Variants in ZNF236 observed in about 807,000 individuals in gnomAD.
ZNF236 encodes the protein regulated by glucose.
Under a neutral mutation model 191.2 loss-of-function variants are expected in ZNF236, and 50 were observed. That is an observed-to-expected ratio of 0.26 (90% CI 0.21 to 0.33). The LOEUF (loss-of-function observed/expected upper bound fraction) is 0.33. ZNF236 is among the 10% of genes least tolerant of loss of function. ZNF236 has a pLI of 1.00. For synonymous variants in ZNF236, 907 were observed against 928.8 expected (o/e 0.98, Z 0.43); for missense variants, 1,754 against 2,374.5 (o/e 0.74, Z 5.43).
At chr18:76,896,730 A>T (rs1460777367) in intron 10 of ZNF236, among the ~76,000 whole-genome samples, 1 of 150,924 alleles carries the variant, frequency 6.6e-6, no homozygotes, top group Non-Finnish European at 1.5e-5. Context: ...CACAGGGACC[A>T]CACACAGTAC....
At chr18:76,824,881 G>GC (rs1239253227) in intron 1 of ZNF236, among the ~76,000 whole-genome samples, 3 of 152,196 alleles carry the variant, frequency 2.0e-5, no homozygotes, top group African/African-American at 7.2e-5. Flanking sequence ...AGCTGCAGGA[G>GC]CCCCCTTCCT....
chr18:76,873,756 C>T (rs1242750111), intron 5 of ZNF236, among the ~76,000 whole-genome samples: 2 of 152,102 alleles, frequency 1.3e-5, no homozygotes, highest in African/African-American at 4.8e-5. Flanking sequence ...CAGGCAGTGT[C>T]GTGACTGGGC....
intron 26 of ZNF236, among the ~76,000 whole-genome samples, chr18:76,944,411 G>A (rs1302436471): frequency 6.6e-6 from 1 of 152,178 alleles, no homozygotes; most frequent in Non-Finnish European, 1.5e-5. Flanking sequence ...TAGCTGATTT[G>A]TGTATCACTT....
At chr18:76,907,957 T>C (rs766010910) in intron 13 of ZNF236, among the ~76,000 whole-genome samples, 12 of 152,216 alleles carry the variant, frequency 7.9e-5, no homozygotes, top group Non-Finnish European at 8.8e-5. Context: ...TCTCATTTAG[T>C]ACAATTATTT....
intron 3 of ZNF236, among the ~76,000 whole-genome samples, chr18:76,866,815 A>G (rs547479063): frequency 9.2e-5 from 14 of 152,204 alleles, no homozygotes; most frequent in Admixed American, 4.6e-4. Flanking sequence ...AAGTGTTGCC[A>G]GGGCGCGCAG....
chr18:76,851,780 T>C lies in ZNF236; in HGVS notation c.204T>C (p.His68=). ...MRDHERNDKP[H]RCDQCPQTFN... is the part of the protein sequence containing the mutation. Reference sequence around the variant, plus strand: ...TCACTTTTCTCTCCAAATAGCCACATCGATGTGACCAGTGCCCCCAAACAT... The same window carrying C: ...TCACTTTTCTCTCCAAATAGCCACACCGATGTGACCAGTGCCCCCAAACAT... Residue 68 remains histidine (H), a synonymous_variant, in exon 3 of 31, where the codon CAT becomes CAC. Coordinates refer to ENST00000320610, the MANE Select transcript of ZNF236 (RefSeq NM_001306089.2). The C allele has an allele frequency of 1.9e-6, 3 of 1,610,428 alleles. No individual in the cohort carries two copies. Among genetic ancestry groups the C allele is most frequent in the Non-Finnish European group, 2.5e-6 (3 of 1,178,676 alleles).
At chr18:76,941,556 C>T (rs1968133023) in intron 26 of ZNF236, among the ~76,000 whole-genome samples, 2 of 152,198 alleles carry the variant, frequency 1.3e-5, no homozygotes, top group South Asian at 4.1e-4. Flanking sequence ...CAGCCACACA[C>T]CCTGCCATTA....
rs774845653 is a variant in ZNF236 at position 76,928,020 on chromosome 18, G to C, written c.4508G>C (p.Ser1503Thr). The C allele has an allele frequency of 4.3e-6, 7 of 1,613,724 alleles. No homozygotes were observed. The highest frequency in any genetic ancestry group is 5.1e-6 in the Non-Finnish European group (6 of 1,179,892). The change falls in exon 25 of 31, where the codon AGC (serine) becomes ACC (threonine). Residue 1503 changes from serine (S) to threonine (T), a missense_variant. Ser to Thr is a moderately conservative substitution (Grantham distance 58). This residue lies in a region of ZNF236 where 606 missense variants were observed against 761.5 expected (regional missense o/e 0.80). Coordinates refer to ENST00000320610, the MANE Select transcript of ZNF236 (RefSeq NM_001306089.2). ...HEITLTINNS[S>T]LSQVLAQAAG... is the part of the protein sequence containing the mutation. ...ATCACCCTGACCATTAACAACTCCA[G>C]CCTGAGCCAGGTCCTGGCACAGGCC...
intron 30 of ZNF236, among the ~76,000 whole-genome samples, chr18:76,962,199 A>G (rs1435621338): frequency 1.3e-5 from 2 of 152,070 alleles, no homozygotes; most frequent in Non-Finnish European, 2.9e-5. Context: ...TTCAGGTCTT[A>G]GTTTTTTTAA....
intron 25 of ZNF236, among the ~76,000 whole-genome samples, chr18:76,928,369 T>C (rs9947016): frequency 0.031 from 4,752 of 152,326 alleles, 244 homozygotes; most frequent in African/African-American, 0.11. Context: ...TGACTCATTT[T>C]TAGAGAATAA....
At chr18:76,906,700 T>C (rs1977752375) in intron 13 of ZNF236, among the ~76,000 whole-genome samples, 2 of 152,210 alleles carry the variant, frequency 1.3e-5, no homozygotes, top group Admixed American at 1.3e-4. Context: ...TTAAGTGGTA[T>C]ATTGTGCGAC....
chr18:76,838,418 T>A (rs1217839772), intron 1 of ZNF236, among the ~76,000 whole-genome samples: 1 of 152,252 alleles, frequency 6.6e-6, no homozygotes, highest in African/African-American at 2.4e-5. Context: ...GGAGGAGTGC[T>A]GTGACCTGTG....
intron 1 of ZNF236, among the ~76,000 whole-genome samples, chr18:76,846,146 C>T (rs1249478986): frequency 6.6e-6 from 1 of 151,974 alleles, no homozygotes; most frequent in Non-Finnish European, 1.5e-5. Flanking sequence ...TAGAGACAGT[C>T]TCGCTATATT....
chr18:76,896,916 A>G (rs1332346958), intron 10 of ZNF236, among the ~76,000 whole-genome samples: 1 of 151,996 alleles, frequency 6.6e-6, no homozygotes, highest in African/African-American at 2.4e-5. Flanking sequence ...CACAGTACAC[A>G]CAAGTACTGC....
chr18:76,891,379 A>T lies in ZNF236; in HGVS notation c.1418-3634A>T, dbSNP rs1977227910. ...TCTTATATCTGACTTTTATAATTTA[A>T]TAGGTTTTTTTTTTCGAGACAGGGT... On this transcript the variant is annotated intron_variant, in intron 9 of 30. Transcript: ENST00000320610. Among the ~76,000 whole-genome samples, 5 of 152,132 alleles carry T rather than the reference A, an allele frequency of 3.3e-5. No individual in the cohort carries two copies. In the South Asian group the frequency reaches 1.0e-3, roughly 32 times the overall value.
chr18:76,957,149 G>GC (rs1378315491), intron 28 of ZNF236, among the ~76,000 whole-genome samples: 1 of 134,508 alleles, frequency 7.4e-6, no homozygotes, highest in African/African-American at 4.0e-5. Flanking sequence ...TGTGTATGTT[G>GC]GGGGGGTGGG....
At position 76,919,823 on chromosome 18, in the gene ZNF236, C is replaced by T. The variant is rs751503463; in HGVS notation, c.3322C>T (p.Arg1108Trp). The change falls in exon 20 of 31, where the codon CGG (arginine) becomes TGG (tryptophan). Residue 1108 changes from arginine (R) to tryptophan (W), a missense_variant. Around this residue, in one of 5 missense-constraint regions of ZNF236, gnomAD observed 641 missense variants for 869.6 expected, o/e 0.74. Coordinates refer to ENST00000320610, the MANE Select transcript of ZNF236 (RefSeq NM_001306089.2). The surrounding 1 kb of genome is among the most constrained non-coding windows in gnomAD (Gnocchi z 5.3). Reference sequence around the variant, plus strand: ...AGAACATTCTGACAGAAATGCATCACGGAAGTCTCGTCCTGAGGTCATCAC... The same window carrying T: ...AGAACATTCTGACAGAAATGCATCATGGAAGTCTCGTCCTGAGGTCATCAC... ...EEEHSDRNASRKSRPEVITFT... is the reference protein window; with the variant it reads ...EEEHSDRNASWKSRPEVITFT... The T allele has an allele frequency of 3.7e-6, 6 of 1,614,230 alleles. No homozygotes were observed. The highest frequency in any genetic ancestry group is 5.1e-6 in the Non-Finnish European group (6 of 1,180,042).
At chr18:76,873,868 G>T (rs1477518864) in intron 5 of ZNF236, among the ~76,000 whole-genome samples, 3 of 150,718 alleles carry the variant, frequency 2.0e-5, no homozygotes, top group African/African-American at 7.3e-5. Flanking sequence ...CGCTGTCACC[G>T]TGCCTCCTGC....
chr18:76,876,799 A>G (rs1679546366), intron 6 of ZNF236, among the ~76,000 whole-genome samples: 1 of 152,170 alleles, frequency 6.6e-6, no homozygotes, highest in South Asian at 2.1e-4. Flanking sequence ...GCACACAGAA[A>G]TGCCTCACTG....
Sources: gnomAD v4.1 joint callset for allele counts (sites outside exome capture counted in the v4.1 genomes callset) on GRCh38, gnomAD v4.1.1 for gene constraint, gnomAD v4.1.1 regional missense constraint, Gnocchi (gnomAD v3.1) non-coding constraint, MANE v1.5 for transcripts, NCBI Gene and HGNC (gene_info 2026-07-23, HGNC 2026-07-21) for gene names.